The following CD46 variants were observed in gnomAD, a reference collection of about 807,000 sequenced individuals.
CD46 encodes the protein membrane cofactor protein.
CD46 carries 30 observed loss-of-function variants against 53.3 expected under a neutral mutation model. That is an observed-to-expected ratio of 0.56 (90% CI 0.42 to 0.76). CD46 has a LOEUF of 0.76. Among genes scored for constraint, CD46 ranks in the 30% least tolerant of loss-of-function variants. The probability of loss-of-function intolerance (pLI) is 0.00; values close to 1 mark genes in which losing one functional copy is unlikely to be tolerated. For missense variants in CD46, 409 were observed against 463.0 expected, an observed-to-expected ratio of 0.88 and a Z score of 1.07; for synonymous variants, 142 against 152.0, an observed-to-expected ratio of 0.93 and a Z score of 0.48.
Position 207,785,081 on chromosome 1 carries a change from C to A in CD46, c.993C>A (p.Val331=). 2 of 1,612,892 alleles carry A rather than the reference C, an allele frequency of 1.2e-6. No individual in the cohort carries two copies. Among genetic ancestry groups the A allele is most frequent in the South Asian group, 2.2e-5 (2 of 90,956 alleles). ...TGTTTTCTTTCTCAGATGTTTGGGT[C>A]ATTGCTGTGATTGTTATTGCCATAG... ...EGILDSLDVW[V]IAVIVIAIVV... The change falls in exon 10 of 13, where the codon GTC becomes GTA. Residue 331 remains valine (V), a synonymous_variant. Transcript: ENST00000367042.
At chr1:207,787,110 C>T (rs752381276) in intron 11 of CD46, among the ~76,000 whole-genome samples, 17 of 152,124 alleles carry the variant, frequency 1.1e-4, no homozygotes, top group Non-Finnish European at 2.2e-4. Context: ...CTTGCTCTGT[C>T]ACCCAGGCTG....
intron 8 of CD46, among the ~76,000 whole-genome samples, chr1:207,779,933 A>C (rs1217520143): frequency 2.2e-4 from 4 of 18,280 alleles, no homozygotes; most frequent in South Asian, 2.8e-3. Flanking sequence ...TTTTTTTTTT[A>C]CTGTAGTACT....
intron 8 of CD46, 89 bp downstream of exon 8, chr1:207,770,451 C>T (rs920690855): frequency 4.0e-5 from 38 of 959,086 alleles, no homozygotes; most frequent in African/African-American, 3.0e-4. Context: ...GTGTGCACAG[C>T]GTGCAGGTTT....
chr1:207,775,057 A>G (rs1657944056), intron 8 of CD46, among the ~76,000 whole-genome samples: 2 of 152,080 alleles, frequency 1.3e-5, no homozygotes, highest in African/African-American at 4.8e-5. Context: ...ACATAGTCCC[A>G]TATTTCTTGG....
At position 207,785,647 on chromosome 1, in the gene CD46, C is replaced by A; in HGVS notation, c.1047C>A (p.Val349=). The change falls in exon 11 of 13, where the codon GTC becomes GTA. Residue 349 remains valine (V), a synonymous_variant. Transcript: ENST00000367042. The part of the protein sequence containing the change: ...IVVGVAVICV[V]PYRYLQRRKK... ...TTGGAGTTGCAGTAATTTGTGTTGT[C>A]CCGTACAGATATCTTCAAAGGAGGA... 6.2e-7 allele frequency: 1 copy of A among 1,610,856 alleles called. No individual in the cohort carries two copies. Among genetic ancestry groups the A allele is most frequent in the Non-Finnish European group, 8.5e-7 (1 of 1,177,352 alleles).
At chr1:207,780,425 TATTTC>T (rs1658620505) in intron 8 of CD46, among the ~76,000 whole-genome samples, 1 of 152,190 alleles carries the variant, frequency 6.6e-6, no homozygotes, top group Non-Finnish European at 1.5e-5. Context: ...GTATATACTA[TATTTC>T]ATTTATTCAT....
rs754508138 is a variant in CD46 at position 207,759,617 on chromosome 1, A to G, written c.390-22A>G. 1.2e-5 allele frequency: 15 copies of G among 1,287,644 alleles called. No individual in the cohort carries two copies. The East Asian group carries it at 2.8e-4, about 24-fold the overall frequency. The allele number at this position is 1,287,644 out of a possible 1,614,324, so 79.8% of individuals were successfully genotyped here. A position where few individuals can be genotyped will look rare whatever the true frequency, so the allele number is the denominator to read the frequency against. ...CTTATTAATTGCTATACAAAACAGTAACCCTTTCTTTTCTCATTTAGTTAT... is the reference window on the plus strand; with the variant it reads ...CTTATTAATTGCTATACAAAACAGTGACCCTTTCTTTTCTCATTTAGTTAT... On this transcript the variant is annotated intron_variant, in intron 3 of 12. Coordinates refer to ENST00000367042, the MANE Select transcript of CD46 (RefSeq NM_172351.3).
intron 7 of CD46, chr1:207,769,965 C>T (rs1657301344): frequency 4.5e-6 from 1 of 223,854 alleles, no homozygotes; most frequent in East Asian, 1.2e-4. Context: ...GGGGTTTCTC[C>T]ATGATGGCCT....
intron 9 of CD46, 118 bp from the exon 10 acceptor site, chr1:207,784,953 A>G: frequency 1.2e-6 from 1 of 825,798 alleles, no homozygotes; most frequent in Non-Finnish European, 2.1e-6. Context: ...TTGCGATTCA[A>G]GATGAGATTT....
intron 5 of CD46, chr1:207,762,748 AG>A (rs910910073): frequency 3.9e-5 from 6 of 153,006 alleles, no homozygotes; most frequent in African/African-American, 1.4e-4. Flanking sequence ...GAGATGGCCC[AG>A]GATGAGACGT....
At chr1:207,761,773 A>G (rs1260659193) in intron 5 of CD46, among the ~76,000 whole-genome samples, 2 of 152,166 alleles carry the variant, frequency 1.3e-5, no homozygotes, top group African/African-American at 2.4e-5. Flanking sequence ...ATTACAAGAA[A>G]TCTAAGAGTT....
In CD46 at chr1:207,790,250, C is replaced by G. The variant is rs371907561; in HGVS notation, c.1083-3C>G. 8.6e-6 allele frequency: 13 copies of G among 1,515,964 alleles called. No individual in the cohort carries two copies. Among genetic ancestry groups the G allele is most frequent in the Non-Finnish European group, 1.1e-5 (12 of 1,090,912 alleles). The allele number at this position is 1,515,964 out of a possible 1,614,324, so 93.9% of individuals were successfully genotyped here. On this transcript the variant is annotated splice_polypyrimidine_tract_variant and splice_region_variant and intron_variant, in intron 11 of 12. Coordinates refer to ENST00000367042, the MANE Select transcript of CD46 (RefSeq NM_172351.3). ...TTCAGCCGTTTTCTCTTCCTCTGTT[C>G]AGCACATACCTAACTGATGAGACCC...
intron 12 of CD46, among the ~76,000 whole-genome samples, chr1:207,793,254 A>G (rs1227329696): frequency 2.0e-5 from 3 of 152,238 alleles, no homozygotes; most frequent in African/African-American, 4.8e-5. Flanking sequence ...AAATGAGGAC[A>G]TAGTTACTAA....
intron 1 of CD46, among the ~76,000 whole-genome samples, chr1:207,755,770 G>C (rs1426651825): frequency 6.6e-6 from 1 of 152,210 alleles, no homozygotes; most frequent in Non-Finnish European, 1.5e-5. Context: ...CTGGGAGATA[G>C]GCAGCACAAG....
intron 12 of CD46, among the ~76,000 whole-genome samples, chr1:207,790,762 A>G (rs988060437): frequency 5.3e-5 from 8 of 152,214 alleles, no homozygotes; most frequent in African/African-American, 1.9e-4. Context: ...TTCAATTCCA[A>G]CGTATAAATA....
intron 8 of CD46, 139 bp downstream of exon 8, chr1:207,770,501 C>A: frequency 1.5e-6 from 1 of 654,920 alleles, no homozygotes; most frequent in Non-Finnish European, 2.8e-6. Flanking sequence ...TTTGCTGCAC[C>A]CATCAACTCA....
intron 1 of CD46, among the ~76,000 whole-genome samples, chr1:207,754,945 A>G (rs1294796676): frequency 4.3e-5 from 6 of 139,528 alleles, no homozygotes; most frequent in Non-Finnish European, 7.6e-5. Flanking sequence ...TCACCTATAC[A>G]AAACATGTAA....
intron 11 of CD46, chr1:207,785,902 A>G: frequency 2.1e-6 from 1 of 479,074 alleles, no homozygotes; most frequent in Admixed American, 3.4e-5. Flanking sequence ...GAGTTCCTAC[A>G]GCTATTATGA....
chr1:207,791,252 C>T (rs556723606), intron 12 of CD46, among the ~76,000 whole-genome samples: 1 of 152,140 alleles, frequency 6.6e-6, no homozygotes, highest in Admixed American at 6.5e-5. Flanking sequence ...GAGTACTAAA[C>T]CTTATATATA....
Sources: allele counts gnomAD v4.1 joint callset (sites outside exome capture counted in the v4.1 genomes callset), GRCh38; gene constraint gnomAD v4.1.1; transcripts MANE v1.5; gene names NCBI Gene and HGNC (gene_info 2026-07-23, HGNC 2026-07-21).